The following PKNOX2 variants were observed in gnomAD, a reference collection of about 807,000 sequenced individuals.
The protein encoded by PKNOX2 is homeobox protein PKNOX2.
Under a neutral mutation model 53.1 loss-of-function variants are expected in PKNOX2, and 14 were observed. That is an observed-to-expected ratio of 0.26 (90% CI 0.17 to 0.41). PKNOX2 has a LOEUF of 0.41. Among genes scored for constraint, PKNOX2 ranks in the 10% least tolerant of loss-of-function variants. PKNOX2 has a pLI of 1.00. For missense variants in PKNOX2, 496 were observed against 602.8 expected, an observed-to-expected ratio of 0.82 and a Z score of 1.85; for synonymous variants, 257 against 242.8, an observed-to-expected ratio of 1.06 and a Z score of -0.54.
rs150140290 is a variant in PKNOX2, at chr11:125,297,715, A to G, written c.-129-34104A>G. Reference sequence around the variant, plus strand: ...ACACAGACTTCTCATTACATCCTGCATGCATTATGCTATTTCCTGCCCTTG... The same window carrying G: ...ACACAGACTTCTCATTACATCCTGCGTGCATTATGCTATTTCCTGCCCTTG... On this transcript the variant is annotated intron_variant, in intron 2 of 12. Transcript: ENST00000298282. Among the ~76,000 whole-genome samples, 522 of 152,216 alleles carry G rather than the reference A, an allele frequency of 3.4e-3. 2 individuals are homozygous for G. Among genetic ancestry groups the G allele is most frequent in the South Asian group, 0.014 (68 of 4,814 alleles).
At chr11:125,227,428 TGTGA>T (rs150084613) in intron 1 of PKNOX2, among the ~76,000 whole-genome samples, 22 of 152,358 alleles carry the variant, frequency 1.4e-4, no homozygotes, top group African/African-American at 5.3e-4. Flanking sequence ...TTTCTATCTC[TGTGA>T]GTTTGACACT....
chr11:125,363,998 A>G (rs1952056024), intron 4 of PKNOX2, among the ~76,000 whole-genome samples: 1 of 152,172 alleles, frequency 6.6e-6, no homozygotes. Flanking sequence ...ATTGGCTTTC[A>G]CAGGCCAGAA....
chr11:125,199,148 CT>C (rs906284525), intron 1 of PKNOX2, among the ~76,000 whole-genome samples: 10 of 152,076 alleles, frequency 6.6e-5, no homozygotes, highest in African/African-American at 9.7e-5. Context: ...GCCTTCTTCC[CT>C]TTTTTTCTCC....
At position 125,204,546 on chromosome 11, in the gene PKNOX2, A is replaced by G. The variant is rs1248687406; in HGVS notation, c.-200-30499A>G. 3.3e-5 allele frequency among the ~76,000 whole-genome samples: 5 copies of G among 152,172 alleles called. No homozygotes were observed. The East Asian group carries it at 7.7e-4, about 23-fold the overall frequency. On this transcript the variant is annotated intron_variant, in intron 1 of 12. Coordinates refer to ENST00000298282, the MANE Select transcript of PKNOX2 (RefSeq NM_001382323.2). ...CCCATTGTCACAGGTTGAACGACACATCCCAGTTTGCCTGGGACTCTCCTG... is the reference window on the plus strand; with the variant it reads ...CCCATTGTCACAGGTTGAACGACACGTCCCAGTTTGCCTGGGACTCTCCTG...
chr11:125,357,114 A>T (rs2136227790), intron 4 of PKNOX2, among the ~76,000 whole-genome samples: 1 of 152,332 alleles, frequency 6.6e-6, no homozygotes, highest in East Asian at 1.9e-4. Context: ...GGACCATATG[A>T]GGGCCCACCT....
intron 7 of PKNOX2, among the ~76,000 whole-genome samples, chr11:125,405,609 C>T (rs1591559558): frequency 6.6e-6 from 1 of 152,114 alleles, no homozygotes; most frequent in Non-Finnish European, 1.5e-5. Context: ...AGTAAAACTC[C>T]CCTGGGGACC....
intron 2 of PKNOX2, among the ~76,000 whole-genome samples, chr11:125,247,139 T>C (rs1943623101): frequency 6.6e-6 from 1 of 152,212 alleles, no homozygotes; most frequent in Non-Finnish European, 1.5e-5. Flanking sequence ...CTGCTTTCTT[T>C]GGAATTGGCA....
intron 5 of PKNOX2, among the ~76,000 whole-genome samples, chr11:125,369,123 T>A (rs960268424): frequency 1.1e-4 from 16 of 152,224 alleles, no homozygotes; most frequent in African/African-American, 3.9e-4. Flanking sequence ...TTATTCTCAT[T>A]CTCATCGGCA....
At chr11:125,231,053 TTAACTC>T (rs1942162142) in intron 1 of PKNOX2, among the ~76,000 whole-genome samples, 1 of 152,178 alleles carries the variant, frequency 6.6e-6, no homozygotes, top group African/African-American at 2.4e-5. Context: ...ATCTGGTAGT[TTAACTC>T]TACTACTTTG....
intron 5 of PKNOX2, among the ~76,000 whole-genome samples, chr11:125,375,034 C>G (rs1194233982): frequency 6.6e-6 from 1 of 152,120 alleles, no homozygotes; most frequent in Non-Finnish European, 1.5e-5. Context: ...AAGCCAGCTT[C>G]CCTGTCTTTT....
intron 2 of PKNOX2, chr11:125,288,284 T>TG (rs1236285895): frequency 1.3e-5 from 2 of 152,230 alleles, no homozygotes; most frequent in African/African-American, 2.4e-5. Context: ...GGGGAGCTTT[T>TG]GAAAACTACC....
chr11:125,170,098 C>T (rs1955167957), intron 1 of PKNOX2, among the ~76,000 whole-genome samples: 1 of 152,168 alleles, frequency 6.6e-6, no homozygotes, highest in African/African-American at 2.4e-5. Context: ...GGGTTGGGTG[C>T]TGGTCTGCAG....
chr11:125,190,405 C>G lies in PKNOX2; in HGVS notation c.-201+25629C>G, dbSNP rs138493016. Among the ~76,000 whole-genome samples, 75 of 152,334 alleles carry G rather than the reference C, an allele frequency of 4.9e-4. No individual in the cohort carries two copies. In the South Asian group the frequency reaches 0.014, roughly 29 times the overall value. ...TGCTGGCTCACTGAAAGTGCCTTTT[C>G]TCTGATGTCCATACTTGTGCCACTT... On this transcript the variant is annotated intron_variant, in intron 1 of 12. Transcript: ENST00000298282.
intron 2 of PKNOX2, among the ~76,000 whole-genome samples, chr11:125,256,291 C>T (rs561236884): frequency 4.6e-5 from 7 of 152,118 alleles, no homozygotes; most frequent in Non-Finnish European, 8.8e-5. Flanking sequence ...CTGCCTAGGA[C>T]ATCAGACAAG....
intron 10 of PKNOX2, among the ~76,000 whole-genome samples, chr11:125,421,721 C>T (rs1239304075): frequency 6.6e-6 from 1 of 152,190 alleles, no homozygotes; most frequent in Non-Finnish European, 1.5e-5. Flanking sequence ...CCTTGCAGGC[C>T]GGCATGTCAC....
intron 5 of PKNOX2, among the ~76,000 whole-genome samples, chr11:125,372,865 G>C (rs957263060): frequency 1.3e-5 from 2 of 152,154 alleles, no homozygotes; most frequent in Non-Finnish European, 2.9e-5. Flanking sequence ...ACCCACATGG[G>C]ACCACCAGAG....
chr11:125,362,421 T>G (rs1007067696), intron 4 of PKNOX2, among the ~76,000 whole-genome samples: 12 of 152,272 alleles, frequency 7.9e-5, no homozygotes, highest in African/African-American at 2.9e-4. Flanking sequence ...TCTCCCAGGC[T>G]GGAGCACAGT....
chr11:125,220,458 C>T (rs1941016684), intron 1 of PKNOX2, among the ~76,000 whole-genome samples: 1 of 152,118 alleles, frequency 6.6e-6, no homozygotes, highest in African/African-American at 2.4e-5. Flanking sequence ...ATGGAATCCC[C>T]ACAGCTTGGG....
At chr11:125,180,852 T>A (rs1956120883) in intron 1 of PKNOX2, among the ~76,000 whole-genome samples, 1 of 152,130 alleles carries the variant, frequency 6.6e-6, no homozygotes, top group Non-Finnish European at 1.5e-5. Flanking sequence ...GACATACTTC[T>A]CTCCCACGAG....
Sources: allele counts gnomAD v4.1 joint callset (sites outside exome capture counted in the v4.1 genomes callset), GRCh38; gene constraint gnomAD v4.1.1; transcripts MANE v1.5; gene names NCBI Gene and HGNC (gene_info 2026-07-23, HGNC 2026-07-21).